Variants in SPECC1 observed in about 807,000 individuals in gnomAD.
SPECC1 encodes the protein sperm antigen with calponin homology and coiled-coil domains 1, also known as cytospin-B.
Under a neutral mutation model 104.1 loss-of-function variants are expected in SPECC1, and 62 were observed. That is an observed-to-expected ratio of 0.60 (90% confidence interval 0.49 to 0.74). The LOEUF (loss-of-function observed/expected upper bound fraction) is 0.74, where lower values mean the gene tolerates loss of function less well. Ranked by LOEUF, SPECC1 falls within the 30% of genes least tolerant of loss-of-function variation. SPECC1 has a pLI of 0.00. For missense variants in SPECC1, 1,306 were observed against 1,310.5 expected (o/e 1.00, Z 0.05); for synonymous variants, 513 against 501.6 (o/e 1.02, Z -0.30).
chr17:20,021,660 GATATATATATATATAATATAATA>G (rs2044379662), intron 1 of SPECC1, among the ~76,000 whole-genome samples: 1 of 140,644 alleles, frequency 7.1e-6, no homozygotes, highest in African/African-American at 2.7e-5. Flanking sequence ...CCAAGGCTCT[GATATATATATATATAATATAATA>G]ATATATATAT....
intron 7 of SPECC1, among the ~76,000 whole-genome samples, chr17:20,241,207 C>T (rs550347945): frequency 1.1e-4 from 16 of 152,278 alleles, no homozygotes; most frequent in Non-Finnish European, 2.2e-4. Flanking sequence ...TCACCTGTAC[C>T]CAGTTTCTTC....
chr17:20,261,280 A>G (rs2040013817), intron 12 of SPECC1, among the ~76,000 whole-genome samples: 1 of 152,072 alleles, frequency 6.6e-6, no homozygotes, highest in Non-Finnish European at 1.5e-5. Context: ...AGGTGGGCAG[A>G]TCACGAGGTC....
intron 7 of SPECC1, among the ~76,000 whole-genome samples, chr17:20,240,100 A>G (rs1488701494): frequency 9.1e-6 from 1 of 110,068 alleles, no homozygotes; most frequent in Non-Finnish European, 1.7e-5. Context: ...TTTGGTAGAC[A>G]CGAGGTCTCA....
chr17:20,041,116 G>A (rs2152453508), intron 1 of SPECC1, among the ~76,000 whole-genome samples: 1 of 151,282 alleles, frequency 6.6e-6, no homozygotes, highest in East Asian at 1.9e-4. Context: ...CTTCATATTG[G>A]GTAATTTCTA....
intron 3 of SPECC1, among the ~76,000 whole-genome samples, chr17:20,134,151 A>G (rs983864808): frequency 1.3e-5 from 2 of 150,808 alleles, no homozygotes; most frequent in African/African-American, 2.4e-5. Context: ...TATATTATAT[A>G]TTCCCTATGT....
At chr17:20,086,672 G>A (rs57127528) in intron 1 of SPECC1, among the ~76,000 whole-genome samples, 2,166 of 152,276 alleles carry the variant, frequency 0.014, 42 homozygotes, top group African/African-American at 0.049. Flanking sequence ...TGAGCAGAGG[G>A]AGGGGCAGTG....
At position 20,116,803 on chromosome 17, in the gene SPECC1, C is replaced by CTTTTTTTTTTTTTT. The variant is rs58127201; in HGVS notation, c.283+6258_283+6271dup. Reference sequence around the variant, plus strand: ...GGGAACAATTGGCAGTGTCTGGAGACTTTTTTTTTTTTTTTTTTTTTTTTT... The same window carrying CTTTTTTTTTTTTTT: ...GGGAACAATTGGCAGTGTCTGGAGACTTTTTTTTTTTTTTTTTTTTTTTTTTTTTTTTTTTTTTT... On this transcript the variant is annotated intron_variant, in intron 3 of 14. Transcript: ENST00000395527. 1.8e-4 allele frequency among the ~76,000 whole-genome samples: 9 copies of CTTTTTTTTTTTTTT among 50,424 alleles called. 2 individuals carry two copies. The highest frequency in any genetic ancestry group is 3.0e-4 in the Non-Finnish European group (8 of 26,996). The allele number at this position is 50,424 out of a possible 152,430, so 33.1% of individuals were successfully genotyped here.
chr17:20,096,538 A>G, intron 1 of SPECC1, 93 bp from the exon 2 acceptor site: 1 of 1,372,686 alleles, frequency 7.3e-7, no homozygotes, highest in Non-Finnish European at 1.0e-6. Context: ...GTGATAGTTC[A>G]TGGTGACGTG....
At chr17:20,058,835 C>CTTTTTTTTT (rs58811372) in intron 1 of SPECC1, among the ~76,000 whole-genome samples, 114 of 103,542 alleles carry the variant, frequency 1.1e-3, no homozygotes, top group Middle Eastern at 6.5e-3. Flanking sequence ...CACTTTATTT[C>CTTTTTTTTT]TTTTTTTTTT....
intron 12 of SPECC1, among the ~76,000 whole-genome samples, chr17:20,291,896 C>T (rs1244585877): frequency 6.6e-6 from 1 of 150,566 alleles, no homozygotes; most frequent in Non-Finnish European, 1.5e-5. Context: ...ATTTGGTTTT[C>T]TATTTAAAAT....
chr17:20,306,659 C>T (rs960676745), intron 14 of SPECC1, among the ~76,000 whole-genome samples: 110 of 152,168 alleles, frequency 7.2e-4, no homozygotes, highest in African/African-American at 6.0e-4. Context: ...CGCACGTGCG[C>T]GCAGAGAGAG....
chr17:20,016,201 G>C (rs1432725633), intron 1 of SPECC1, among the ~76,000 whole-genome samples: 1 of 137,528 alleles, frequency 7.3e-6, no homozygotes, highest in Non-Finnish European at 1.5e-5. Context: ...CTGGGCGACA[G>C]AGAGCGACTC....
intron 3 of SPECC1, chr17:20,155,913 G>T: frequency 8.3e-7 from 1 of 1,201,074 alleles, no homozygotes; most frequent in Non-Finnish European, 1.0e-6. Flanking sequence ...GGGGCGGGCC[G>T]CGCCTGGCGG....
chr17:20,232,442 C>A, intron 7 of SPECC1, 37 bp downstream of exon 7: 3 of 1,566,276 alleles, frequency 1.9e-6, no homozygotes, highest in Non-Finnish European at 2.6e-6. Flanking sequence ...GCTTGCTTCT[C>A]AATCACTATG....
chr17:20,159,812 C>T (rs2152575759), intron 3 of SPECC1, among the ~76,000 whole-genome samples: 1 of 152,328 alleles, frequency 6.6e-6, no homozygotes, highest in East Asian at 1.9e-4. Context: ...AACAGTCCTT[C>T]AGTTTCCAAC....
chr17:20,059,600 GTCC>G (rs2152470218), intron 1 of SPECC1, among the ~76,000 whole-genome samples: 1 of 152,190 alleles, frequency 6.6e-6, no homozygotes, highest in Non-Finnish European at 1.5e-5. Context: ...TTTCTTTCTG[GTCC>G]TCCTTCACTT....
At chr17:20,288,093 T>C in intron 12 of SPECC1, among the ~76,000 whole-genome samples, 1 of 152,314 alleles carries the variant, frequency 6.6e-6, no homozygotes, top group East Asian at 1.9e-4. Flanking sequence ...GAAAGGGGCT[T>C]CCAGCTCCAT....
chr17:20,174,776 G>A (rs772243951), intron 3 of SPECC1, among the ~76,000 whole-genome samples: 5 of 152,128 alleles, frequency 3.3e-5, no homozygotes, highest in Admixed American at 2.0e-4. Flanking sequence ...AGGTCCCGCC[G>A]GCATTCAGCC....
intron 12 of SPECC1, among the ~76,000 whole-genome samples, chr17:20,280,665 A>T (rs1196035170): frequency 1.3e-5 from 2 of 152,262 alleles, no homozygotes; most frequent in African/African-American, 4.8e-5. Flanking sequence ...TGAGCACTTA[A>T]AAGATTCCTA....
Sources: gnomAD v4.1 joint callset for allele counts (sites outside exome capture counted in the v4.1 genomes callset) on GRCh38, gnomAD v4.1.1 for gene constraint, MANE v1.5 for transcripts, NCBI Gene and HGNC (gene_info 2026-07-23, HGNC 2026-07-21) for gene names.